ATE1: variants seen among roughly 807,000 people sequenced by gnomAD.
ATE1 encodes arginyltransferase 1.
In ATE1, 36 loss-of-function variants were observed where a neutral mutation model predicts 70.5. That is an observed-to-expected ratio of 0.51 (90% CI 0.39 to 0.67). The LOEUF (loss-of-function observed/expected upper bound fraction) is 0.67. Ranked by LOEUF, ATE1 falls within the 30% of genes least tolerant of loss-of-function variation. The pLI, the probability that ATE1 is intolerant of heterozygous loss-of-function variation, is 0.00. For missense variants in ATE1, 593 were observed against 629.5 expected, an observed-to-expected ratio of 0.94 and a Z score of 0.62; for synonymous variants, 232 against 219.3, an observed-to-expected ratio of 1.06 and a Z score of -0.51.
chr10:121,878,592 C>CA (rs1207349725), intron 7 of ATE1, among the ~76,000 whole-genome samples: 32 of 118,008 alleles, frequency 2.7e-4, no homozygotes, highest in Admixed American at 4.5e-4. Flanking sequence ...GACTGTGTCT[C>CA]AAAAAAAAAA....
intron 11 of ATE1, among the ~76,000 whole-genome samples, chr10:121,786,220 T>G (rs1341403155): frequency 1.2e-4 from 18 of 145,334 alleles, no homozygotes; most frequent in African/African-American, 4.4e-4. Context: ...TTTTTTTTTT[T>G]TTTTTTTTTT....
chr10:121,913,748 A>C (rs998449974), intron 4 of ATE1, 42 bp downstream of exon 4: 1 of 1,407,888 alleles, frequency 7.1e-7, no homozygotes, highest in African/African-American at 1.4e-5. Context: ...GGACCGTTGC[A>C]AAGACAGATA....
chr10:121,871,256 C>T (rs751568017), intron 7 of ATE1, among the ~76,000 whole-genome samples: 1 of 151,980 alleles, frequency 6.6e-6, no homozygotes, highest in Non-Finnish European at 1.5e-5. Flanking sequence ...GACAGGAGTT[C>T]GAGTCGAGCC....
At chr10:121,838,074 C>G (rs529357696) in intron 9 of ATE1, among the ~76,000 whole-genome samples, 1 of 152,146 alleles carries the variant, frequency 6.6e-6, no homozygotes, top group Non-Finnish European at 1.5e-5. Flanking sequence ...CCACCTCCAC[C>G]TCAGATATTC....
chr10:121,898,780 G>A (rs1950869128), intron 7 of ATE1: 1 of 1,572,950 alleles, frequency 6.4e-7, no homozygotes. Context: ...CAAGAAAATG[G>A]TATATATTAT....
At chr10:121,794,381 C>T (rs1435494161) in intron 10 of ATE1, among the ~76,000 whole-genome samples, 1 of 151,954 alleles carries the variant, frequency 6.6e-6, no homozygotes, top group Non-Finnish European at 1.5e-5. Flanking sequence ...ATCTTTGTGA[C>T]AGCAGAACAT....
intron 8 of ATE1, among the ~76,000 whole-genome samples, chr10:121,858,625 TTA>T (rs972969698): frequency 4.8e-5 from 7 of 146,562 alleles, no homozygotes; most frequent in South Asian, 2.1e-4. Context: ...CTTTTCCTTA[TTA>T]TATATATATA....
At chr10:121,752,457 C>T (rs1325517381) in intron 11 of ATE1, among the ~76,000 whole-genome samples, 1 of 151,922 alleles carries the variant, frequency 6.6e-6, no homozygotes, top group African/African-American at 2.4e-5. Flanking sequence ...TCTCGATCTC[C>T]TGACCTCGTG....
intron 3 of ATE1, among the ~76,000 whole-genome samples, chr10:121,918,593 A>G (rs1951753010): frequency 6.6e-6 from 1 of 152,168 alleles, no homozygotes; most frequent in African/African-American, 2.4e-5. Flanking sequence ...AAACTTATGA[A>G]TAGAATCCTG....
chr10:121,917,124 G>C (rs560625698), intron 3 of ATE1, among the ~76,000 whole-genome samples: 2 of 150,748 alleles, frequency 1.3e-5, no homozygotes, highest in African/African-American at 2.4e-5. Context: ...GATTGTGCCA[G>C]TACACTCCAG....
intron 7 of ATE1, 67 bp from the exon 8 acceptor site, chr10:121,870,105 A>T (rs1949800271): frequency 6.9e-7 from 1 of 1,453,346 alleles, no homozygotes; most frequent in Non-Finnish European, 9.6e-7. Context: ...ACACAGAGAA[A>T]AAGAAAAAAT....
intron 10 of ATE1, among the ~76,000 whole-genome samples, chr10:121,826,147 C>T (rs934186042): frequency 3.3e-5 from 5 of 152,062 alleles, no homozygotes; most frequent in Admixed American, 6.5e-5. Context: ...GGGGAGCTAT[C>T]GTCTATTGGG....
chr10:121,748,652 G>GTT (rs1034935913), intron 11 of ATE1, among the ~76,000 whole-genome samples: 8 of 142,992 alleles, frequency 5.6e-5, no homozygotes, highest in South Asian at 2.2e-4. Flanking sequence ...TAGTTTTTTT[G>GTT]TTTTTTTTTT....
At chr10:121,809,210 G>A in intron 10 of ATE1, among the ~76,000 whole-genome samples, 1 of 152,234 alleles carries the variant, frequency 6.6e-6, no homozygotes, top group African/African-American at 2.4e-5. Flanking sequence ...AACAGTGTCA[G>A]CTGTTTTCCT....
upstream of ATE1, chr10:121,928,091 C>G: frequency 2.5e-6 from 3 of 1,214,118 alleles, no homozygotes; most frequent in Non-Finnish European, 3.1e-6. Flanking sequence ...CCCGGCCGGC[C>G]CGGCGCCTCT....
intron 7 of ATE1, among the ~76,000 whole-genome samples, chr10:121,893,102 C>A (rs1036015563): frequency 6.6e-6 from 1 of 151,590 alleles, no homozygotes; most frequent in East Asian, 2.0e-4. Context: ...ATAGTGAAAC[C>A]CCATCTCTAC....
intron 10 of ATE1, among the ~76,000 whole-genome samples, chr10:121,825,148 A>G (rs1356875962): frequency 3.3e-5 from 5 of 151,678 alleles, no homozygotes; most frequent in African/African-American, 1.2e-4. Context: ...AAGTTATATA[A>G]TAATTTATTA....
intron 8 of ATE1, among the ~76,000 whole-genome samples, chr10:121,865,225 G>C (rs1249539625): frequency 1.3e-5 from 2 of 152,114 alleles, no homozygotes; most frequent in Non-Finnish European, 2.9e-5. Context: ...AAGGGAAGTG[G>C]AAAGCACAGT....
chr10:121,809,719 C>A (rs1408409104), intron 10 of ATE1, among the ~76,000 whole-genome samples: 1 of 151,722 alleles, frequency 6.6e-6, no homozygotes, highest in East Asian at 1.9e-4. Flanking sequence ...CCAAAAGGCA[C>A]TTAGGGACTT....
Sources: allele counts gnomAD v4.1 joint callset (sites outside exome capture counted in the v4.1 genomes callset), GRCh38; gene constraint gnomAD v4.1.1; transcripts MANE v1.5; gene names NCBI Gene and HGNC (gene_info 2026-07-23, HGNC 2026-07-21).